Variants in KL observed in about 807,000 individuals in gnomAD.
KL encodes the protein klotho.
KL carries 62 observed loss-of-function variants against 84.2 expected under a neutral mutation model. The observed-to-expected ratio is 0.74, with a 90% confidence interval of 0.60 to 0.91. KL has a LOEUF of 0.91. Among genes scored for constraint, KL ranks in the 40% least tolerant of loss-of-function variants. The pLI is 0.00. For synonymous variants in KL, 528 were observed against 528.0 expected (o/e 1.00, Z 0.00); for missense variants, 1,261 against 1,305.7 (o/e 0.97, Z 0.53).
At position 33,064,383 on chromosome 13, in the gene KL, G is replaced by C; in HGVS notation, c.*197G>C. 1.9e-6 allele frequency: 1 copy of C among 517,392 alleles called. No homozygotes were observed. Among genetic ancestry groups the C allele is most frequent in the African/African-American group, 1.9e-5 (1 of 52,728 alleles). The allele number at this position is 517,392 out of a possible 1,614,324, so 32.1% of individuals were successfully genotyped here. A position where few individuals can be genotyped will look rare whatever the true frequency, so the allele number is the denominator to read the frequency against. ...ATATTGAATAATGCGAATAGTGCCT[G>C]AATTTGTTCTCTTTTTGGGTGATTA... On this transcript the variant is annotated 3_prime_UTR_variant, in exon 5 of 5. Transcript: ENST00000380099.
chr13:33,029,379 C>T (rs1870889901), intron 1 of KL, among the ~76,000 whole-genome samples: 2 of 152,228 alleles, frequency 1.3e-5, no homozygotes, highest in Admixed American at 1.3e-4. Context: ...CATTGACCAG[C>T]ATTTGATACT....
chr13:33,037,234 A>T (rs1051307521), intron 1 of KL, among the ~76,000 whole-genome samples: 3 of 152,206 alleles, frequency 2.0e-5, no homozygotes, highest in African/African-American at 7.2e-5. Flanking sequence ...TTATATATCC[A>T]ACATATAATA....
rs143363050 is a variant in KL at position 33,031,920 on chromosome 13, CT to C, written c.819+14670del. ...ATAATGCTTGATAATTTCTAGAGTCCTTTTTTTTTGTATTTTGGGGCAGGTA... is the reference window on the plus strand; with the variant it reads ...ATAATGCTTGATAATTTCTAGAGTCCTTTTTTTTGTATTTTGGGGCAGGTA... On this transcript the variant is annotated intron_variant, in intron 1 of 4. Coordinates refer to ENST00000380099, the MANE Select transcript of KL (RefSeq NM_004795.4). 2.7e-3 allele frequency among the ~76,000 whole-genome samples: 408 copies of C among 151,248 alleles called. 1 individual carries two copies. The highest frequency in any genetic ancestry group is 7.5e-3 in the African/African-American group (308 of 41,182).
At chr13:33,046,313 C>G (rs1445509973) in intron 1 of KL, among the ~76,000 whole-genome samples, 2 of 152,100 alleles carry the variant, frequency 1.3e-5, no homozygotes, top group African/African-American at 4.8e-5. Context: ...AATTCAATCT[C>G]TTTTACACCT....
intron 1 of KL, among the ~76,000 whole-genome samples, chr13:33,029,267 A>T (rs911033883): frequency 1.3e-5 from 2 of 152,176 alleles, no homozygotes; most frequent in Non-Finnish European, 2.9e-5. Flanking sequence ...CATCCCTTTG[A>T]TGATAACAAG....
At chr13:33,033,879 T>A (rs1170171837) in intron 1 of KL, among the ~76,000 whole-genome samples, 1 of 152,044 alleles carries the variant, frequency 6.6e-6, no homozygotes, top group Admixed American at 6.5e-5. Flanking sequence ...ACCAATAAGA[T>A]CATTTTTTTA....
intron 1 of KL, among the ~76,000 whole-genome samples, chr13:33,047,274 C>A (rs1020359167): frequency 2.0e-5 from 3 of 151,786 alleles, no homozygotes; most frequent in Admixed American, 6.6e-5. Context: ...CATTCTTTTT[C>A]TTTTACATGA....
intron 1 of KL, among the ~76,000 whole-genome samples, chr13:33,050,321 A>G (rs1871695411): frequency 6.6e-6 from 1 of 152,244 alleles, no homozygotes; most frequent in African/African-American, 2.4e-5. Flanking sequence ...ATATGTAACC[A>G]TCTCCCTGTT....
intron 1 of KL, among the ~76,000 whole-genome samples, chr13:33,035,685 T>C (rs745939323): frequency 1.3e-5 from 2 of 152,176 alleles, no homozygotes; most frequent in East Asian, 3.8e-4. Flanking sequence ...AAACCAGGAA[T>C]TGGAACCCCT....
At chr13:33,035,335 A>C (rs1871117087) in intron 1 of KL, among the ~76,000 whole-genome samples, 1 of 152,248 alleles carries the variant, frequency 6.6e-6, no homozygotes, top group South Asian at 2.1e-4. Context: ...TGCTGTTGAT[A>C]ACTTAAAGCA....
chr13:33,024,117 A>G (rs991279853), intron 1 of KL, among the ~76,000 whole-genome samples: 6 of 112,808 alleles, frequency 5.3e-5, no homozygotes, highest in Non-Finnish European at 8.2e-5. Flanking sequence ...TTGACAAGAC[A>G]TCTTTCACAT....
In KL at chr13:33,065,001, G is replaced by A. The variant is rs978812541; in HGVS notation, c.*815G>A. ...ATTGTGAAATACAGTATACCGCAGT[G>A]GCTCTAGGTGGAGGAAAGGAGGAAA... On this transcript the variant is annotated 3_prime_UTR_variant, in exon 5 of 5. Transcript: ENST00000380099. 20 of 228,132 alleles carry A rather than the reference G, an allele frequency of 8.8e-5. No homozygotes were observed. The Admixed American group carries it at 1.0e-3, about 12-fold the overall frequency. The allele number at this position is 228,132 out of a possible 1,614,324, so 14.1% of individuals were successfully genotyped here.
intron 1 of KL, among the ~76,000 whole-genome samples, chr13:33,041,626 A>G (rs1190303387): frequency 1.3e-5 from 2 of 152,072 alleles, no homozygotes; most frequent in South Asian, 2.1e-4. Flanking sequence ...CACAGACTTC[A>G]GATAATTTGC....
chr13:33,049,841 C>T (rs1379790358), intron 1 of KL, among the ~76,000 whole-genome samples: 1 of 151,934 alleles, frequency 6.6e-6, no homozygotes, highest in Non-Finnish European at 1.5e-5. Flanking sequence ...ATCTCTAGAG[C>T]AATACATGTT....
In KL at chr13:33,060,905, C is replaced by T. The variant is rs780973827; in HGVS notation, c.1826C>T (p.Ser609Phe). ...CTGATTCTCCCTCTGGGTAACCAGT[C>T]CCAGGTGAACCACACCATCCTGCAG... ...WALILPLGNQ[S>F]QVNHTILQYY... Residue 609 changes from serine to phenylalanine, a missense_variant, in exon 4 of 5, where the codon TCC becomes TTC. Transcript: ENST00000380099. 2.5e-6 allele frequency: 4 copies of T among 1,613,992 alleles called. No homozygotes were observed. Among genetic ancestry groups the T allele is most frequent in the Non-Finnish European group, 8.5e-7 (1 of 1,179,984 alleles).
intron 3 of KL, among the ~76,000 whole-genome samples, chr13:33,058,164 C>T (rs1226533265): frequency 6.6e-6 from 1 of 152,118 alleles, no homozygotes; most frequent in East Asian, 1.9e-4. Flanking sequence ...CATAGAGCCT[C>T]TTTAACATTG....
chr13:33,063,542 G>A (rs1231522847), intron 4 of KL, among the ~76,000 whole-genome samples: 1 of 152,106 alleles, frequency 6.6e-6, no homozygotes, highest in Non-Finnish European at 1.5e-5. Flanking sequence ...GGAGGCTGAG[G>A]CAGGCAGATC....
intron 1 of KL, among the ~76,000 whole-genome samples, chr13:33,040,298 T>C (rs1248256874): frequency 6.6e-6 from 1 of 152,222 alleles, no homozygotes; most frequent in African/African-American, 2.4e-5. Flanking sequence ...GGCATGCTTA[T>C]GTAAACACCA....
intron 3 of KL, among the ~76,000 whole-genome samples, chr13:33,055,832 T>C (rs929970791): frequency 1.3e-5 from 2 of 152,242 alleles, no homozygotes; most frequent in African/African-American, 4.8e-5. Flanking sequence ...GCAATAGTCA[T>C]TGAAATGATA....
Sources: gnomAD v4.1 joint callset for allele counts (sites outside exome capture counted in the v4.1 genomes callset) on GRCh38, gnomAD v4.1.1 for gene constraint, MANE v1.5 for transcripts, NCBI Gene and HGNC (gene_info 2026-07-23, HGNC 2026-07-21) for gene names.